DAGLA: variants seen among roughly 807,000 people sequenced by gnomAD.
DAGLA encodes the protein diacylglycerol lipase-alpha.
DAGLA carries 22 observed loss-of-function variants against 102.6 expected under a neutral mutation model. The observed-to-expected ratio is 0.21, with a 90% CI of 0.15 to 0.31. The LOEUF is 0.31. Among genes scored for constraint, DAGLA ranks in the 10% least tolerant of loss-of-function variants. DAGLA has a pLI of 1.00. For synonymous variants in DAGLA, 578 were observed against 628.9 expected, an observed-to-expected ratio of 0.92 and a Z score of 1.21; for missense variants, 927 against 1,446.6, an observed-to-expected ratio of 0.64 and a Z score of 5.83.
chr11:61,719,245 C>T (rs926872870), intron 1 of DAGLA, among the ~76,000 whole-genome samples: 1 of 152,212 alleles, frequency 6.6e-6, no homozygotes, highest in Non-Finnish European at 1.5e-5. Flanking sequence ...TTGAATTCAG[C>T]TACTTCAGAG....
At chr11:61,703,716 T>TG (rs1188854388) in intron 1 of DAGLA, among the ~76,000 whole-genome samples, 11 of 151,622 alleles carry the variant, frequency 7.3e-5, no homozygotes, top group South Asian at 2.1e-4. Flanking sequence ...GATGGATGGA[T>TG]GAATGGATTG....
intron 1 of DAGLA, among the ~76,000 whole-genome samples, chr11:61,714,157 T>C (rs1287780063): frequency 2.6e-5 from 4 of 152,180 alleles, no homozygotes; most frequent in African/African-American, 9.7e-5. Context: ...TGCAATGGAC[T>C]CATCCTCCCG....
intron 1 of DAGLA, among the ~76,000 whole-genome samples, chr11:61,694,255 T>C (rs1337231656): frequency 6.6e-6 from 1 of 152,236 alleles, no homozygotes; most frequent in Admixed American, 6.5e-5. Context: ...TCAGTCCTGC[T>C]TCCTTGCCTG....
intron 1 of DAGLA, among the ~76,000 whole-genome samples, chr11:61,718,448 C>T (rs568215038): frequency 6.6e-6 from 1 of 152,254 alleles, no homozygotes; most frequent in South Asian, 2.1e-4. Flanking sequence ...CTGTTGGCAG[C>T]TCTGTTCTGC....
At chr11:61,698,533 C>T (rs529066111) in intron 1 of DAGLA, among the ~76,000 whole-genome samples, 40 of 152,312 alleles carry the variant, frequency 2.6e-4, no homozygotes, top group Non-Finnish European at 5.3e-4. Flanking sequence ...GCTTGGTGCA[C>T]GTAGCACGGA....
At chr11:61,711,733 G>A (rs11604261) in intron 1 of DAGLA, among the ~76,000 whole-genome samples, 6,752 of 152,322 alleles carry the variant, frequency 0.044, 225 homozygotes, top group Non-Finnish European at 0.069. Flanking sequence ...AATAATTAGC[G>A]TGAGAACGAG....
intron 1 of DAGLA, among the ~76,000 whole-genome samples, chr11:61,709,400 C>A (rs752695552): frequency 5.9e-5 from 9 of 152,160 alleles, no homozygotes; most frequent in Non-Finnish European, 1.3e-4. Flanking sequence ...TGCACCACCA[C>A]GCCCCGCTAA....
chr11:61,715,948 G>A (rs181053217), intron 1 of DAGLA, among the ~76,000 whole-genome samples: 5 of 152,370 alleles, frequency 3.3e-5, no homozygotes, highest in African/African-American at 1.2e-4. Context: ...CCAGAGGGGG[G>A]GGAGAGGGTT....
At chr11:61,722,519 G>A (rs934698940) in intron 3 of DAGLA, among the ~76,000 whole-genome samples, 2 of 152,222 alleles carry the variant, frequency 1.3e-5, no homozygotes, top group Non-Finnish European at 2.9e-5. Flanking sequence ...CCAGGAGGCA[G>A]AGGTTGCAGT....
At chr11:61,714,522 C>T (rs1294591039) in intron 1 of DAGLA, among the ~76,000 whole-genome samples, 1 of 152,244 alleles carries the variant, frequency 6.6e-6, no homozygotes, top group East Asian at 1.9e-4. Context: ...TAGGCATCTT[C>T]AAGATCGTGA....
Position 61,735,655 on chromosome 11 carries a change from C to CG in DAGLA, c.1212+11_1212+12insG. On this transcript the variant is annotated intron_variant, in intron 11 of 19. Transcript: ENST00000257215. ...ACCCTGTCCCCCAAGGTACGCTGCC[C>CG]ATGGCTCCCAGCCCCCGGGGGTGCC... The CG allele has an allele frequency of 6.2e-7, 1 of 1,613,796 alleles. No homozygotes were observed.
At chr11:61,698,399 TTCTC>T (rs1263284470) in intron 1 of DAGLA, among the ~76,000 whole-genome samples, 3 of 152,348 alleles carry the variant, frequency 2.0e-5, no homozygotes, top group African/African-American at 4.8e-5. Context: ...ACAACTGCCT[TTCTC>T]TCTGCAGTTC....
chr11:61,715,963 C>T (rs2065232677), intron 1 of DAGLA, among the ~76,000 whole-genome samples: 3 of 152,230 alleles, frequency 2.0e-5, no homozygotes, highest in Admixed American at 2.0e-4. Flanking sequence ...AGGGTTCTCC[C>T]TGAGCTGTCA....
At position 61,745,138 on chromosome 11, in the gene DAGLA, G is replaced by C. The variant is rs1419600717; in HGVS notation, c.*649G>C. 1 of 153,320 alleles carries C rather than the reference G, an allele frequency of 6.5e-6. No individual in the cohort carries two copies. The highest frequency in any genetic ancestry group is 1.5e-5 in the Non-Finnish European group (1 of 68,688). The allele number at this position is 153,320 out of a possible 1,614,324, so 9.5% of individuals were successfully genotyped here. ...CCAGGGGCCTGGAGGGGCCAGAGGA[G>C]GGTGGGGTCAGGGCCGCCCCTTCTC... On this transcript the variant is annotated 3_prime_UTR_variant, in exon 20 of 20. Transcript: ENST00000257215.
Position 61,744,479 on chromosome 11 carries a change from C to G in DAGLA, c.3119C>G (p.Ser1040Ter), listed in dbSNP as rs371510242. The G allele has an allele frequency of 1.3e-6, 2 of 1,567,256 alleles. No homozygotes were observed. Among genetic ancestry groups the G allele is most frequent in the Non-Finnish European group, 8.7e-7 (1 of 1,153,106 alleles). ...GCCAAGCAAGATGAGCTGGTCATCT[C>G]AGCACGCTAGCACCCCAGTTGCGTG... ...SPAKQDELVI[S>*]AR The change falls in exon 20 of 20, where the codon TCA (serine) becomes TGA (stop). Residue 1040 changes from serine (S) to a stop codon, truncating the protein, a stop_gained. Transcript: ENST00000257215. LOFTEE classifies it high-confidence loss of function.
Position 61,734,955 on chromosome 11 carries a change from G to A in DAGLA, c.1081G>A (p.Glu361Lys), listed in dbSNP as rs751866665. 13 of 1,613,938 alleles carry A rather than the reference G, an allele frequency of 8.1e-6. No individual in the cohort carries two copies. Among genetic ancestry groups the A allele is most frequent in the Middle Eastern group, 1.6e-4 (1 of 6,082 alleles). ...AIAIRRHFLDENMTAVDIVYT... is the reference protein window; with the variant it reads ...AIAIRRHFLDKNMTAVDIVYT... ...TGCCATCCGGCGCCACTTCCTGGAC[G>A]AGAACATGACTGCGGTGGACATCGT... The change falls in exon 10 of 20, where the codon GAG becomes AAG. Residue 361 changes from glutamate (E) to lysine (K), a missense_variant. By Grantham distance (56) the Glu-to-Lys change is moderately conservative (BLOSUM62 1). Around this residue, in one of 4 missense-constraint regions of DAGLA, gnomAD observed 218 missense variants for 459.6 expected, o/e 0.47. Transcript: ENST00000257215. The surrounding 1 kb of genome is among the most constrained non-coding windows in gnomAD (Gnocchi z 4.2).
Position 61,720,881 on chromosome 11 carries a change from G to A in DAGLA, c.298G>A (p.Val100Met), listed in dbSNP as rs752257511. 6.8e-6 allele frequency: 11 copies of A among 1,611,484 alleles called. No homozygotes were observed. Among genetic ancestry groups the A allele is most frequent in the East Asian group, 2.2e-5 (1 of 44,850 alleles). ...TGACTCCATGCAGTACGTGCTCTAC[G>A]TGCGCCTGGGTAAGGGCCACCCACC... ...PRDSMQYVLY[V>M]RLAILVIEFI... Residue 100 changes from valine (V) to methionine (M), a missense_variant, in exon 3 of 20, where the codon GTG (valine) becomes ATG (methionine). Val to Met is a conservative substitution (Grantham distance 21, BLOSUM62 1). Around this residue, in one of 4 missense-constraint regions of DAGLA, gnomAD observed 231 missense variants for 439.8 expected, o/e 0.53. Transcript: ENST00000257215.
chr11:61,737,156 G>A, intron 13 of DAGLA, 26 bp from the exon 14 acceptor site: 3 of 1,612,836 alleles, frequency 1.9e-6, no homozygotes, highest in Non-Finnish European at 2.5e-6. Flanking sequence ...TTGGGGCAGG[G>A]CTCTCAGGCT....
intron 9 of DAGLA, among the ~76,000 whole-genome samples, chr11:61,732,153 T>C (rs1246621898): frequency 6.6e-6 from 1 of 152,096 alleles, no homozygotes; most frequent in Non-Finnish European, 1.5e-5. Context: ...CCTCAGCTCA[T>C]GCCAGGCAGA....
Sources: allele counts gnomAD v4.1 joint callset (sites outside exome capture counted in the v4.1 genomes callset), GRCh38; gene constraint gnomAD v4.1.1; regional missense constraint gnomAD v4.1.1; non-coding constraint Gnocchi (gnomAD v3.1); transcripts MANE v1.5; gene names NCBI Gene and HGNC (gene_info 2026-07-23, HGNC 2026-07-21).